The following DNAH8 variants were observed in gnomAD, a reference collection of about 807,000 sequenced individuals.
DNAH8 encodes axonemal beta dynein heavy chain 8.
DNAH8 carries 382 observed loss-of-function variants against 562.1 expected under a neutral mutation model. The ratio of observed to expected loss-of-function variants is 0.68; its 90% CI spans 0.63 to 0.74. The LOEUF is 0.74. DNAH8 is among the 30% of genes least tolerant of loss of function. The pLI is 0.00. For missense variants in DNAH8, 5,203 were observed against 5,620.4 expected (o/e 0.93, Z 2.37); for synonymous variants, 1,881 against 1,919.4 (o/e 0.98, Z 0.52).
At chr6:38,974,289 G>A (rs1260226655) in intron 84 of DNAH8, 85 bp from the exon 85 acceptor site, 2 of 1,082,658 alleles carry the variant, frequency 1.8e-6, no homozygotes, top group African/African-American at 3.2e-5. Flanking sequence ...TTCAGATAAA[G>A]GATATTCAGC....
At chr6:38,880,121 C>A (rs183984511) in intron 53 of DNAH8, among the ~76,000 whole-genome samples, 303 of 152,074 alleles carry the variant, frequency 2.0e-3, no homozygotes, top group Admixed American at 3.3e-3. Flanking sequence ...GTGGTATATG[C>A]CCGTAAGCAC....
intron 92 of DNAH8, 63 bp from the exon 93 acceptor site, chr6:39,030,042 G>T: frequency 7.4e-7 from 1 of 1,355,102 alleles, no homozygotes; most frequent in South Asian, 1.3e-5. Flanking sequence ...CAGCCTTTAT[G>T]ACTAATTTTG....
Position 38,906,427 on chromosome 6 carries a change from A to G in DNAH8, c.9348+20A>G. The stretch of plus-strand genomic sequence containing the variant: ...GGGGAGGTAAGTCTCAAAAGTAGAG[A>G]AAAAGCCCATATTGTAAAAATATAA... On this transcript the variant is annotated intron_variant, in intron 63 of 92. Transcript: ENST00000327475. The G allele has an allele frequency of 6.6e-7, 1 of 1,523,320 alleles. No individual in the cohort carries two copies. Among genetic ancestry groups the G allele is most frequent in the African/African-American group, 1.4e-5 (1 of 71,954 alleles). The allele number at this position is 1,523,320 out of a possible 1,614,324, so 94.4% of individuals were successfully genotyped here.
intron 88 of DNAH8, among the ~76,000 whole-genome samples, chr6:38,999,812 TTATTA>T (rs1460167432): frequency 1.3e-5 from 2 of 151,434 alleles, no homozygotes; most frequent in Non-Finnish European, 2.9e-5. Flanking sequence ...GATGTATTTA[TTATTA>T]TATTGTATTG....
chr6:38,830,453 T>C (rs1279786598), intron 30 of DNAH8, among the ~76,000 whole-genome samples: 1 of 151,500 alleles, frequency 6.6e-6, no homozygotes, highest in Non-Finnish European at 1.5e-5. Flanking sequence ...GCTAACACAG[T>C]GAAACCCTGC....
Position 38,945,573 on chromosome 6 carries a change from A to G in DNAH8, c.12114A>G (p.Ala4038=), listed in dbSNP as rs749771031. ...LVELSKLPQF[A]EIMNQISRNE... ...AGCTGAGTAAACTTCCACAATTTGCAGAAATTATGAACCAGGTAATACAAT... is the reference window on the plus strand; with the variant it reads ...AGCTGAGTAAACTTCCACAATTTGCGGAAATTATGAACCAGGTAATACAAT... Residue 4038 remains alanine (A), a synonymous_variant, in exon 80 of 93, where the codon GCA becomes GCG. Transcript: ENST00000327475. 6.2e-7 allele frequency: 1 copy of G among 1,614,118 alleles called. No individual in the cohort carries two copies. The highest frequency in any genetic ancestry group is 1.7e-5 in the Admixed American group (1 of 60,032).
At chr6:38,964,659 A>G (rs935385920) in intron 82 of DNAH8, among the ~76,000 whole-genome samples, 6 of 152,070 alleles carry the variant, frequency 3.9e-5, no homozygotes, top group African/African-American at 1.2e-4. Flanking sequence ...TGAATGAACA[A>G]GAATGCATAT....
At chr6:38,806,875 A>G (rs1562853197) in intron 23 of DNAH8, among the ~76,000 whole-genome samples, 1 of 152,120 alleles carries the variant, frequency 6.6e-6, no homozygotes, top group African/African-American at 2.4e-5. Flanking sequence ...CCACTGCCAC[A>G]TGGAAAATCT....
intron 56 of DNAH8, among the ~76,000 whole-genome samples, chr6:38,885,365 A>G (rs891313542): frequency 6.6e-6 from 1 of 151,870 alleles, no homozygotes; most frequent in Non-Finnish European, 1.5e-5. Context: ...CATCACCTCC[A>G]CTGCTACCAC....
chr6:38,842,831 T>A lies in DNAH8; in HGVS notation c.4773T>A (p.Asp1591Glu). Reference protein sequence around the residue: ...RISELTGTPFDVESDSFCLRN... With the variant: ...RISELTGTPFEVESDSFCLRN... ...CCGAGTTAACTGGAACCCCATTTGA[T>A]GTGGAATCTGATTCTTTTTGCCTTA... The change falls in exon 35 of 93, where the codon GAT (aspartate) becomes GAA (glutamate). Residue 1591 changes from aspartate to glutamate, a missense_variant. Transcript: ENST00000327475. 1 of 1,613,916 alleles carries A rather than the reference T, an allele frequency of 6.2e-7. No homozygotes were observed. Among genetic ancestry groups the A allele is most frequent in the Non-Finnish European group, 8.5e-7 (1 of 1,179,868 alleles).
intron 82 of DNAH8, among the ~76,000 whole-genome samples, chr6:38,964,685 C>T (rs995343194): frequency 7.9e-5 from 12 of 151,706 alleles, no homozygotes; most frequent in Admixed American, 3.3e-4. Flanking sequence ...GATGGAACAC[C>T]GTGCTGCCAT....
At chr6:38,762,414 G>A (rs1738182) in intron 11 of DNAH8, among the ~76,000 whole-genome samples, 36,185 of 152,032 alleles carry the variant, frequency 0.24, 4,734 homozygotes, top group East Asian at 0.46. Context: ...ACGTTTCTGG[G>A]TAAACTCAAC....
chr6:38,971,284 C>T (rs1289780643), intron 82 of DNAH8, among the ~76,000 whole-genome samples: 1 of 152,170 alleles, frequency 6.6e-6, no homozygotes, highest in African/African-American at 2.4e-5. Context: ...AGTTGCCTCT[C>T]CCACCATTGA....
chr6:38,870,651 T>G, intron 49 of DNAH8, 89 bp downstream of exon 49: 1 of 1,273,276 alleles, frequency 7.9e-7, no homozygotes, highest in Non-Finnish European at 1.1e-6. Flanking sequence ...TTAGTCTTAC[T>G]TGATGTAAAT....
intron 10 of DNAH8, among the ~76,000 whole-genome samples, chr6:38,761,179 AT>A (rs1009342691): frequency 1.3e-5 from 2 of 150,076 alleles, no homozygotes; most frequent in African/African-American, 4.9e-5. Context: ...TTACATATGT[AT>A]ACATGTGCCA....
intron 30 of DNAH8, among the ~76,000 whole-genome samples, chr6:38,830,412 A>G (rs1055644621): frequency 6.6e-6 from 1 of 151,994 alleles, no homozygotes; most frequent in Admixed American, 6.6e-5. Flanking sequence ...AGGTGGGTGG[A>G]TCACAAGTTC....
chr6:38,720,122 C>T (rs190960105), intron 1 of DNAH8, among the ~76,000 whole-genome samples: 10 of 152,236 alleles, frequency 6.6e-5, no homozygotes, highest in East Asian at 5.8e-4. Flanking sequence ...CCCAGTCTTA[C>T]GGTTTCTCTA....
Position 38,863,920 on chromosome 6 carries a change from A to G in DNAH8, c.6358A>G (p.Ile2120Val), listed in dbSNP as rs1776837227. The G allele has an allele frequency of 6.2e-7, 1 of 1,611,240 alleles. No homozygotes were observed. The highest frequency in any genetic ancestry group is 1.3e-5 in the African/African-American group (1 of 74,758). Residue 2120 changes from isoleucine (I) to valine (V), a missense_variant, in exon 45 of 93, where the codon ATT (isoleucine) becomes GTT (valine). Physicochemically the swap from Ile to Val is conservative, Grantham distance 29. Coordinates refer to ENST00000327475, the MANE Select transcript of DNAH8 (RefSeq NM_001206927.2). ...SWGCFDEFNR[I>V]ELPVLSVAAQ... Reference sequence around the variant, plus strand: ...GGGCTGTTTTGATGAGTTTAACAGAATTGAATTGCCTGTATTATCAGTGGC... The same window carrying G: ...GGGCTGTTTTGATGAGTTTAACAGAGTTGAATTGCCTGTATTATCAGTGGC...
At chr6:38,727,600 G>A (rs762460772) in intron 3 of DNAH8, among the ~76,000 whole-genome samples, 3 of 152,200 alleles carry the variant, frequency 2.0e-5, no homozygotes, top group Non-Finnish European at 4.4e-5. Context: ...TCCCATTGTT[G>A]CTGCTAGTGC....
Sources: gnomAD v4.1 joint callset for allele counts (sites outside exome capture counted in the v4.1 genomes callset) on GRCh38, gnomAD v4.1.1 for gene constraint, MANE v1.5 for transcripts, NCBI Gene and HGNC (gene_info 2026-07-23, HGNC 2026-07-21) for gene names.